ETFA: variants seen among roughly 807,000 people sequenced by gnomAD.
ETFA encodes the protein electron transfer flavoprotein subunit alpha, mitochondrial.
Under a neutral mutation model 46.2 loss-of-function variants are expected in ETFA, and 22 were observed. That is an observed-to-expected ratio of 0.48 (90% CI 0.34 to 0.68). The LOEUF (loss-of-function observed/expected upper bound fraction) is 0.68. ETFA is among the 30% of genes least tolerant of loss of function. The probability of loss-of-function intolerance (pLI) is 0.01; values close to 1 mark genes in which losing one functional copy is unlikely to be tolerated. For missense variants in ETFA, 345 were observed against 401.1 expected, an observed-to-expected ratio of 0.86 and a Z score of 1.19; for synonymous variants, 131 against 139.9, an observed-to-expected ratio of 0.94 and a Z score of 0.45.
intron 9 of ETFA, among the ~76,000 whole-genome samples, chr15:76,240,863 G>A (rs2039178836): frequency 6.6e-6 from 1 of 151,448 alleles, no homozygotes; most frequent in African/African-American, 2.4e-5. Context: ...AGTGAACTAT[G>A]GTCTCATGTT....
intron 4 of ETFA, among the ~76,000 whole-genome samples, chr15:76,290,822 A>G (rs2039753627): frequency 6.6e-6 from 1 of 152,212 alleles, no homozygotes; most frequent in Admixed American, 6.5e-5. Flanking sequence ...AGTTGGGAAT[A>G]AGAAAGCAGG....
At chr15:76,226,983 G>T (rs921032520) in intron 10 of ETFA, among the ~76,000 whole-genome samples, 1 of 152,210 alleles carries the variant, frequency 6.6e-6, no homozygotes, top group African/African-American at 2.4e-5. Context: ...CAGCCTGTTA[G>T]TAAGGGACGT....
intron 9 of ETFA, among the ~76,000 whole-genome samples, chr15:76,273,119 T>C (rs912775249): frequency 6.6e-6 from 1 of 151,934 alleles, no homozygotes; most frequent in Middle Eastern, 3.2e-3. Context: ...AGAAAATGAA[T>C]AGGAAGTCCT....
intron 8 of ETFA, among the ~76,000 whole-genome samples, chr15:76,275,969 C>CT (rs1398572517): frequency 1.3e-5 from 2 of 152,060 alleles, no homozygotes; most frequent in African/African-American, 4.8e-5. Flanking sequence ...TAATTGAATA[C>CT]AATGTTATTA....
At position 76,285,650 on chromosome 15, in the gene ETFA, C is replaced by G; in HGVS notation, c.651G>C (p.Val217=). Residue 217 remains valine (V), a synonymous_variant, in exon 7 of 12, where the codon GTG becomes GTC. Transcript: ENST00000557943. Reference sequence around the variant, plus strand: ...TATTTCACTTACCACCAGATACCACCACTTTGGCACCTGTTAGCTCTGGTC... The same window carrying G: ...TATTTCACTTACCACCAGATACCACGACTTTGGCACCTGTTAGCTCTGGTC... ...SDRPELTGAK[V]VVSGGRGLKS... The G allele has an allele frequency of 6.3e-7, 1 of 1,591,218 alleles. No individual in the cohort carries two copies. Among genetic ancestry groups the G allele is most frequent in the Non-Finnish European group, 8.6e-7 (1 of 1,159,268 alleles).
chr15:76,311,312 G>A (rs1252127863), intron 1 of ETFA, 38 bp downstream of exon 1: 2 of 1,549,516 alleles, frequency 1.3e-6, no homozygotes, highest in African/African-American at 2.7e-5. Flanking sequence ...GGTTGACGGG[G>A]GGCCGTCCCT....
At position 76,274,504 on chromosome 15, in the gene ETFA, A is replaced by G. The variant is rs2141516395; in HGVS notation, c.734-10T>C. On this transcript the variant is annotated splice_polypyrimidine_tract_variant and intron_variant, in intron 8 of 11. Transcript: ENST00000557943. ...GCACGGGAAGCACCAACTAAGGGGA[A>G]AAAATATTTGTCATTTTTTTCAAGC... 3 of 1,606,876 alleles carry G rather than the reference A, an allele frequency of 1.9e-6. No individual in the cohort carries two copies. Among genetic ancestry groups the G allele is most frequent in the Non-Finnish European group, 2.6e-6 (3 of 1,175,478 alleles).
At chr15:76,303,909 C>T (rs4886791) in intron 1 of ETFA, among the ~76,000 whole-genome samples, 39,530 of 152,152 alleles carry the variant, frequency 0.26, 5,846 homozygotes, top group East Asian at 0.58. Flanking sequence ...GAACTTAGAA[C>T]ATTCGACCCA....
intron 8 of ETFA, among the ~76,000 whole-genome samples, chr15:76,278,252 A>T (rs2039615547): frequency 6.6e-6 from 1 of 152,012 alleles, no homozygotes; most frequent in Admixed American, 6.6e-5. Context: ...TAATACTCCC[A>T]ATTTTCAGCG....
intron 9 of ETFA, among the ~76,000 whole-genome samples, chr15:76,234,747 G>A (rs1201356621): frequency 6.6e-6 from 1 of 152,144 alleles, no homozygotes; most frequent in African/African-American, 2.4e-5. Context: ...GGGGCTGTGC[G>A]GAGAAGTAAA....
At chr15:76,231,247 C>T (rs2039063342) in intron 10 of ETFA, 86 bp downstream of exon 10, 1 of 832,354 alleles carries the variant, frequency 1.2e-6, no homozygotes, top group Non-Finnish European at 2.1e-6. Context: ...TGACTACATG[C>T]ATTGTAACTA....
chr15:76,279,601 T>C (rs958851498), intron 8 of ETFA, among the ~76,000 whole-genome samples: 9 of 152,154 alleles, frequency 5.9e-5, no homozygotes, highest in African/African-American at 2.2e-4. Flanking sequence ...AAACCCACTC[T>C]AATCAGACTT....
intron 9 of ETFA, among the ~76,000 whole-genome samples, chr15:76,250,871 A>G (rs182207609): frequency 2.7e-3 from 407 of 152,154 alleles, no homozygotes; most frequent in Non-Finnish European, 4.1e-3. Flanking sequence ...GGAGGAAAAA[A>G]TGTGTATTAA....
intron 1 of ETFA, among the ~76,000 whole-genome samples, chr15:76,299,846 A>C (rs1353455735): frequency 6.6e-6 from 1 of 152,038 alleles, no homozygotes; most frequent in African/African-American, 2.4e-5. Flanking sequence ...AGAGACTGTA[A>C]TCTACACTTC....
Position 76,295,707 on chromosome 15 carries a change from C to G in ETFA, c.70G>C (p.Val24Leu). The stretch of plus-strand genomic sequence containing the variant: ...GAATCATTTGCATGCTCAGCTATTA[C>G]CAGGGTACTCTGAAATCGTAGCAAT... The part of the protein sequence containing the change: ...ASLLRFQSTL[V>L]IAEHANDSLA... The change falls in exon 2 of 12, where the codon GTA (valine) becomes CTA (leucine). Residue 24 changes from valine to leucine, a missense_variant. By Grantham distance (32) the Val-to-Leu change is conservative. Coordinates refer to ENST00000557943, the MANE Select transcript of ETFA (RefSeq NM_000126.4). 1 of 1,611,566 alleles carries G rather than the reference C, an allele frequency of 6.2e-7. No individual in the cohort carries two copies. The highest frequency in any genetic ancestry group is 1.1e-5 in the South Asian group (1 of 90,972).
intron 9 of ETFA, among the ~76,000 whole-genome samples, chr15:76,234,207 A>G (rs1490166948): frequency 6.6e-6 from 1 of 152,172 alleles, no homozygotes; most frequent in Non-Finnish European, 1.5e-5. Flanking sequence ...CACTGAAACA[A>G]TAACCCAGAA....
At chr15:76,295,936 C>CCTTTTTTTTTTTTTTTTTTT (rs2039816100) in intron 1 of ETFA, among the ~76,000 whole-genome samples, 199 bp from the exon 2 acceptor site, 5 of 46,602 alleles carry the variant, frequency 1.1e-4, no homozygotes, top group African/African-American at 3.4e-4. Flanking sequence ...CACTAATATT[C>CCTTTTTTTTTTTTTTTTTTT]TTTTTTTTTT....
chr15:76,302,695 T>C (rs1229408571), intron 1 of ETFA, among the ~76,000 whole-genome samples: 8 of 152,196 alleles, frequency 5.3e-5, no homozygotes, highest in African/African-American at 1.7e-4. Flanking sequence ...CTGATGTCAA[T>C]GTAAATTCAT....
At chr15:76,217,491 C>T in intron 11 of ETFA, 1 of 364,140 alleles carries the variant, frequency 2.7e-6, no homozygotes, top group Non-Finnish European at 5.7e-6. Flanking sequence ...ACCTTGTGTG[C>T]TAATGCAGTG....
Sources: gnomAD v4.1 joint callset for allele counts (sites outside exome capture counted in the v4.1 genomes callset) on GRCh38, gnomAD v4.1.1 for gene constraint, MANE v1.5 for transcripts, NCBI Gene and HGNC (gene_info 2026-07-23, HGNC 2026-07-21) for gene names.